Variants in CHD6 observed in about 807,000 individuals in gnomAD.
The protein encoded by CHD6 is ATP-dependent chromatin remodeler CHD6.
A neutral mutation model predicts 276.9 loss-of-function variants in CHD6; 50 were observed. The observed-to-expected ratio is 0.18, with a 90% CI of 0.14 to 0.23. The LOEUF (loss-of-function observed/expected upper bound fraction) is 0.23. Among genes scored for constraint, CHD6 ranks in the 10% least tolerant of loss-of-function variants. The pLI is 1.00. For synonymous variants in CHD6, 1,173 were observed against 1,229.3 expected, an observed-to-expected ratio of 0.95 and a Z score of 0.96; for missense variants, 2,564 against 3,365.8, an observed-to-expected ratio of 0.76 and a Z score of 5.89.
At chr20:41,535,190 C>T (rs2044799449) in intron 2 of CHD6, among the ~76,000 whole-genome samples, 1 of 151,998 alleles carries the variant, frequency 6.6e-6, no homozygotes, top group South Asian at 2.1e-4. Flanking sequence ...GACAGGGGTC[C>T]CCAAAGAAGC....
At chr20:41,459,789 T>C (rs573143578) in intron 17 of CHD6, among the ~76,000 whole-genome samples, 2 of 152,306 alleles carry the variant, frequency 1.3e-5, no homozygotes, top group African/African-American at 4.8e-5. Context: ...AGTATGAAAA[T>C]GAACTAATAC....
chr20:41,505,668 T>C (rs930768649), intron 5 of CHD6, among the ~76,000 whole-genome samples: 2 of 152,192 alleles, frequency 1.3e-5, no homozygotes, highest in African/African-American at 2.4e-5. Context: ...ATATTAACTC[T>C]TATTACCGGA....
At chr20:41,611,430 G>A (rs1273847487) in intron 1 of CHD6, among the ~76,000 whole-genome samples, 1 of 152,186 alleles carries the variant, frequency 6.6e-6, no homozygotes, top group African/African-American at 2.4e-5. Context: ...AAAACCATCA[G>A]TGGCTAGTAG....
At chr20:41,522,041 G>T (rs2044412165) in intron 3 of CHD6, among the ~76,000 whole-genome samples, 1 of 152,188 alleles carries the variant, frequency 6.6e-6, no homozygotes, top group Non-Finnish European at 1.5e-5. Flanking sequence ...GGAAGTGGTA[G>T]TTAGAAAATA....
At chr20:41,503,855 A>G (rs935092211) in intron 5 of CHD6, among the ~76,000 whole-genome samples, 1 of 152,050 alleles carries the variant, frequency 6.6e-6, no homozygotes, top group African/African-American at 2.4e-5. Context: ...AAGTGGGTGG[A>G]TCAACTGAGG....
chr20:41,490,510 T>C (rs2043524263), intron 11 of CHD6, among the ~76,000 whole-genome samples: 1 of 152,146 alleles, frequency 6.6e-6, no homozygotes. Context: ...GAGCAAAATA[T>C]AGATTAAAAG....
At chr20:41,443,315 C>G (rs1569083232) in intron 25 of CHD6, among the ~76,000 whole-genome samples, 1 of 152,228 alleles carries the variant, frequency 6.6e-6, no homozygotes, top group East Asian at 1.9e-4. Context: ...TCCCAATACC[C>G]TGAACAGTGA....
intron 2 of CHD6, among the ~76,000 whole-genome samples, chr20:41,543,061 G>A (rs1489910130): frequency 1.4e-5 from 2 of 142,490 alleles, no homozygotes; most frequent in African/African-American, 2.6e-5. Context: ...CCAAGATTGC[G>A]CCACTGCACT....
rs561147425 is a variant in CHD6, at chr20:41,408,448, G to A, written c.7252-2959C>T. On this transcript the variant is annotated intron_variant, in intron 36 of 36. Coordinates refer to ENST00000373233, the MANE Select transcript of CHD6 (RefSeq NM_032221.5). The stretch of plus-strand genomic sequence containing the variant: ...TGGTTCCTGTTTTGAAAGAGAGACA[G>A]TAGGACTTGATGGGTCGGGGCCAGG... Among the ~76,000 whole-genome samples, 4 of 152,324 alleles carry A rather than the reference G, an allele frequency of 2.6e-5. No homozygotes were observed. The East Asian group carries it at 7.7e-4, about 29-fold the overall frequency.
rs76872797 is a variant in CHD6 at position 41,598,873 on chromosome 20, G to A, written c.-24+19467C>T. On this transcript the variant is annotated intron_variant, in intron 1 of 36. Coordinates refer to ENST00000373233, the MANE Select transcript of CHD6 (RefSeq NM_032221.5). ...GCCAAATAAGTGGGGCAACACTTGCGCCCTAATTCAATTGGCCATCCCACC... is the reference window on the plus strand; with the variant it reads ...GCCAAATAAGTGGGGCAACACTTGCACCCTAATTCAATTGGCCATCCCACC... 4.7e-3 allele frequency among the ~76,000 whole-genome samples: 720 copies of A among 152,224 alleles called. 4 individuals are homozygous for A. The highest frequency in any genetic ancestry group is 0.016 in the African/African-American group (675 of 41,530).
chr20:41,605,153 T>G (rs193051421), intron 1 of CHD6, among the ~76,000 whole-genome samples: 12 of 152,054 alleles, frequency 7.9e-5, no homozygotes, highest in Non-Finnish European at 1.3e-4. Flanking sequence ...AAGTCATATA[T>G]AGAGAGACAG....
At chr20:41,503,402 T>C (rs755213097) in intron 5 of CHD6, among the ~76,000 whole-genome samples, 65 of 152,214 alleles carry the variant, frequency 4.3e-4, no homozygotes, top group Non-Finnish European at 7.6e-4. Context: ...CCCTTTCTAA[T>C]CTTTTAACTT....
intron 1 of CHD6, among the ~76,000 whole-genome samples, chr20:41,593,689 G>A (rs1246129668): frequency 1.3e-5 from 2 of 152,134 alleles, no homozygotes; most frequent in Non-Finnish European, 2.9e-5. Context: ...TGGAGATAGG[G>A]TCTTTAAAGA....
At chr20:41,505,475 G>A (rs946651835) in intron 5 of CHD6, among the ~76,000 whole-genome samples, 5 of 152,084 alleles carry the variant, frequency 3.3e-5, no homozygotes, top group Non-Finnish European at 5.9e-5. Context: ...GGCCAAACCT[G>A]ATCCTCGGCC....
intron 1 of CHD6, among the ~76,000 whole-genome samples, chr20:41,618,127 C>T (rs1449624220): frequency 6.7e-6 from 1 of 149,774 alleles, no homozygotes; most frequent in African/African-American, 2.4e-5. Flanking sequence ...CTCCCCAGGC[C>T]GCAGGCCGCC....
intron 1 of CHD6, among the ~76,000 whole-genome samples, chr20:41,571,456 G>A (rs1005375280): frequency 1.3e-4 from 18 of 143,066 alleles, no homozygotes; most frequent in African/African-American, 4.8e-4. Context: ...GCAATGGCAC[G>A]ATCTCAGCTC....
intron 16 of CHD6, among the ~76,000 whole-genome samples, chr20:41,482,196 G>C (rs2043310757): frequency 6.6e-6 from 1 of 152,086 alleles, no homozygotes; most frequent in Non-Finnish European, 1.5e-5. Flanking sequence ...ATATTTTAAA[G>C]AGTAAGATAA....
At chr20:41,504,192 T>C (rs1051829127) in intron 5 of CHD6, among the ~76,000 whole-genome samples, 2 of 151,556 alleles carry the variant, frequency 1.3e-5, no homozygotes, top group Admixed American at 1.3e-4. Context: ...TTCTTTTTCC[T>C]CTATGTGCTT....
At chr20:41,583,413 C>T (rs1283677018) in intron 1 of CHD6, among the ~76,000 whole-genome samples, 1 of 151,130 alleles carries the variant, frequency 6.6e-6, no homozygotes, top group Non-Finnish European at 1.5e-5. Flanking sequence ...AAAAAACACA[C>T]CTCACAACGC....
Sources: gnomAD v4.1 joint callset for allele counts (sites outside exome capture counted in the v4.1 genomes callset) on GRCh38, gnomAD v4.1.1 for gene constraint, MANE v1.5 for transcripts, NCBI Gene and HGNC (gene_info 2026-07-23, HGNC 2026-07-21) for gene names.